Variants in GMDS observed in about 807,000 individuals in gnomAD.
GMDS encodes GDP-mannose 4,6-dehydratase.
In GMDS, 20 loss-of-function variants were observed where a neutral mutation model predicts 49.9. That is an observed-to-expected ratio of 0.40 (90% CI 0.28 to 0.58). The LOEUF is 0.58. Among genes scored for constraint, GMDS ranks in the 20% least tolerant of loss-of-function variants. The pLI, the probability that GMDS is intolerant of heterozygous loss-of-function variation, is 0.42. For synonymous variants in GMDS, 177 were observed against 178.6 expected, an observed-to-expected ratio of 0.99 and a Z score of 0.07; for missense variants, 362 against 481.4, an observed-to-expected ratio of 0.75 and a Z score of 2.32.
intron 4 of GMDS, among the ~76,000 whole-genome samples, chr6:2,099,236 C>T (rs780472065): frequency 6.6e-6 from 1 of 152,036 alleles, no homozygotes; most frequent in Non-Finnish European, 1.5e-5. Context: ...AGCTACTTCC[C>T]CTTCCCCACA....
chr6:2,044,840 T>C (rs1769903591), intron 4 of GMDS, among the ~76,000 whole-genome samples: 1 of 152,204 alleles, frequency 6.6e-6, no homozygotes, highest in African/African-American at 2.4e-5. Context: ...GGTAGAATTT[T>C]ATTAATGCCT....
intron 7 of GMDS, among the ~76,000 whole-genome samples, chr6:1,895,047 A>C (rs1760082716): frequency 6.6e-6 from 1 of 152,208 alleles, no homozygotes; most frequent in Admixed American, 6.5e-5. Context: ...TGAACACAGC[A>C]CACTCTGAAC....
chr6:1,832,792 C>T (rs1020271291), intron 7 of GMDS, among the ~76,000 whole-genome samples: 34 of 152,220 alleles, frequency 2.2e-4, no homozygotes, highest in African/African-American at 7.0e-4. Flanking sequence ...AAGGCAAAAG[C>T]GAACTTTTCA....
chr6:1,994,608 T>C (rs1469915401), intron 4 of GMDS, among the ~76,000 whole-genome samples: 2 of 151,928 alleles, frequency 1.3e-5, no homozygotes, highest in Non-Finnish European at 2.9e-5. Context: ...AAAGCAATAA[T>C]AACATTAAAA....
rs1763127384 is a variant in GMDS at position 1,635,818 on chromosome 6, A to C, written c.988-11278T>G. 6.6e-6 allele frequency among the ~76,000 whole-genome samples: 1 copy of C among 152,226 alleles called. No homozygotes were observed. Among genetic ancestry groups the C allele is most frequent in the Non-Finnish European group, 1.5e-5 (1 of 68,048 alleles). ...GAAATTACTGATTACAGCCTTGTAC[A>C]TAACCCACAGCCACTCCAGGCAAGC... On this transcript the variant is annotated intron_variant, in intron 9 of 10. Coordinates refer to ENST00000380815, the MANE Select transcript of GMDS (RefSeq NM_001500.4). This position sits in a 1 kb window ranked among gnomAD's most constrained non-coding sequence, Gnocchi z 4.7.
chr6:1,631,495 C>T (rs549548051), intron 9 of GMDS, among the ~76,000 whole-genome samples: 1 of 151,968 alleles, frequency 6.6e-6, no homozygotes, highest in African/African-American at 2.4e-5. Flanking sequence ...TTAGAAATGT[C>T]CCCCCCTCCG....
intron 4 of GMDS, among the ~76,000 whole-genome samples, chr6:1,977,633 G>A (rs953018314): frequency 6.6e-6 from 1 of 152,194 alleles, no homozygotes; most frequent in Non-Finnish European, 1.5e-5. Context: ...GCAGGGTGGG[G>A]CAATGGCCCA....
chr6:1,886,886 CTT>C (rs1759632898), intron 7 of GMDS, among the ~76,000 whole-genome samples: 1 of 152,110 alleles, frequency 6.6e-6, no homozygotes, highest in South Asian at 2.1e-4. Context: ...CTTATTTGCT[CTT>C]AGCATTTTTA....
intron 4 of GMDS, among the ~76,000 whole-genome samples, chr6:2,056,068 CAGAA>C (rs759189651): frequency 1.3e-5 from 2 of 152,218 alleles, no homozygotes; most frequent in East Asian, 1.9e-4. Context: ...ATGCACCACA[CAGAA>C]AGAAAGAATG....
intron 7 of GMDS, among the ~76,000 whole-genome samples, chr6:1,914,509 G>C (rs1399051541): frequency 6.6e-6 from 1 of 151,572 alleles, no homozygotes; most frequent in Non-Finnish European, 1.5e-5. Context: ...TTTAAATACA[G>C]AGTCTGAAGT....
Position 1,878,084 on chromosome 6 carries a change from T to C in GMDS, c.771+52019A>G, listed in dbSNP as rs182661850. The stretch of plus-strand genomic sequence containing the variant: ...ATCCCAGCACTCTGGGAGGCCGAGG[T>C]GGGCAGATCACGAAGTCAGGAGATC... On this transcript the variant is annotated intron_variant, in intron 7 of 10. Transcript: ENST00000380815. Among the ~76,000 whole-genome samples, 1,038 of 151,918 alleles carry C rather than the reference T, an allele frequency of 6.8e-3. 12 individuals carry two copies. The highest frequency in any genetic ancestry group is 0.023 in the African/African-American group (962 of 41,440).
chr6:2,221,589 C>T (rs1051860294), intron 1 of GMDS, among the ~76,000 whole-genome samples: 8 of 152,138 alleles, frequency 5.3e-5, no homozygotes, highest in African/African-American at 1.9e-4. Context: ...GGGGTTTCAC[C>T]GTGTTAGCTA....
intron 7 of GMDS, among the ~76,000 whole-genome samples, chr6:1,819,664 G>A (rs1042380156): frequency 6.6e-6 from 1 of 151,188 alleles, no homozygotes; most frequent in Non-Finnish European, 1.5e-5. Context: ...GAAAGGGAGA[G>A]GCAGGAGAAT....
Position 1,871,947 on chromosome 6 carries a change from G to A in GMDS, c.771+58156C>T, listed in dbSNP as rs7773710. ...TGGCACTATCCTCTTTCTGTGAGACGCTGTGAGCACCTACAGTCAACAGAT... is the reference window on the plus strand; with the variant it reads ...TGGCACTATCCTCTTTCTGTGAGACACTGTGAGCACCTACAGTCAACAGAT... On this transcript the variant is annotated intron_variant, in intron 7 of 10. Transcript: ENST00000380815. 6.6e-3 allele frequency among the ~76,000 whole-genome samples: 999 copies of A among 152,356 alleles called. 12 individuals are homozygous for A. The highest frequency in any genetic ancestry group is 0.023 in the African/African-American group (941 of 41,586).
At chr6:1,887,244 A>G (rs896763625) in intron 7 of GMDS, among the ~76,000 whole-genome samples, 6 of 151,238 alleles carry the variant, frequency 4.0e-5, no homozygotes, top group African/African-American at 1.4e-4. Flanking sequence ...GCATACTTGG[A>G]GAGGTTTACA....
At chr6:1,830,696 T>C (rs891293762) in intron 7 of GMDS, among the ~76,000 whole-genome samples, 18 of 152,190 alleles carry the variant, frequency 1.2e-4, no homozygotes, top group African/African-American at 4.3e-4. Context: ...AAACTATATC[T>C]GGCACCTGTT....
intron 7 of GMDS, among the ~76,000 whole-genome samples, chr6:1,824,420 C>T (rs1040906743): frequency 2.6e-5 from 4 of 152,184 alleles, no homozygotes; most frequent in Non-Finnish European, 4.4e-5. Flanking sequence ...GCGCCCCGCC[C>T]CCCATACAAA....
intron 9 of GMDS, among the ~76,000 whole-genome samples, chr6:1,713,655 C>A (rs1766061753): frequency 1.3e-5 from 2 of 152,204 alleles, no homozygotes; most frequent in Admixed American, 1.3e-4. Flanking sequence ...CTGCATTTTA[C>A]AGTTGTGCCA....
intron 1 of GMDS, chr6:2,176,092 T>A: frequency 5.3e-6 from 5 of 937,666 alleles, no homozygotes; most frequent in Non-Finnish European, 8.0e-6. Context: ...TGACAACATG[T>A]AATTCTGGTG....
Sources: allele counts gnomAD v4.1 joint callset (sites outside exome capture counted in the v4.1 genomes callset), GRCh38; gene constraint gnomAD v4.1.1; non-coding constraint Gnocchi (gnomAD v3.1); transcripts MANE v1.5; gene names NCBI Gene and HGNC (gene_info 2026-07-23, HGNC 2026-07-21).